The following TENM2 variants were observed in gnomAD, a reference collection of about 807,000 sequenced individuals.
The protein encoded by TENM2 is teneurin-2.
A neutral mutation model predicts 245.2 loss-of-function variants in TENM2; 52 were observed. The observed-to-expected ratio is 0.21, with a 90% confidence interval of 0.17 to 0.27. The LOEUF (loss-of-function observed/expected upper bound fraction) is 0.27, where lower values mean the gene tolerates loss of function less well. Among genes scored for constraint, TENM2 ranks in the 10% least tolerant of loss-of-function variants. TENM2 has a pLI of 1.00. For synonymous variants in TENM2, 1,363 were observed against 1,438.9 expected, an observed-to-expected ratio of 0.95 and a Z score of 1.19; for missense variants, 3,046 against 3,666.8, an observed-to-expected ratio of 0.83 and a Z score of 4.37.
At chr5:167,553,172 ATGAAGAATAG>A (rs1245887470) in intron 2 of TENM2, among the ~76,000 whole-genome samples, 1 of 152,192 alleles carries the variant, frequency 6.6e-6, no homozygotes, top group Non-Finnish European at 1.5e-5. Context: ...AAACTAAAGG[ATGAAGAATAG>A]TGAACTATGT....
At chr5:167,375,595 T>C (rs1733853222) in intron 2 of TENM2, 122 bp downstream of exon 4, 29 of 1,062,034 alleles carry the variant, frequency 2.7e-5, no homozygotes, top group East Asian at 5.2e-5. Context: ...AAATCGACCT[T>C]GTCTACCCAG....
At chr5:167,146,301 T>C in the TENM2 span, among the ~76,000 whole-genome samples, 2 of 152,178 alleles carry the variant, frequency 1.3e-5, no homozygotes, top group Non-Finnish European at 2.9e-5. Context: ...TAAGAGTTAA[T>C]TCACATTGCC....
intron 2 of TENM2, among the ~76,000 whole-genome samples, chr5:167,407,038 AAC>A (rs1476845905): frequency 6.6e-6 from 1 of 152,168 alleles, no homozygotes; most frequent in Non-Finnish European, 1.5e-5. Context: ...GAGATGAGAA[AAC>A]ACAGAATGCA....
chr5:167,284,675 A>C, upstream of TENM2: 1 of 613,684 alleles, frequency 1.6e-6, no homozygotes, highest in Non-Finnish European at 2.9e-6. Context: ...CTGCATGTTC[A>C]TGTTTTCGTC....
At position 168,218,641 on chromosome 5, in the gene TENM2, G is replaced by A. The variant is rs1347894380; in HGVS notation, c.4750G>A (p.Glu1584Lys). ...TGTTCTTAATGCCTTCAACCAGTATGAGGCTGCATCCCCCGGAGAGCAGGA... is the reference window on the plus strand; with the variant it reads ...TGTTCTTAATGCCTTCAACCAGTATAAGGCTGCATCCCCCGGAGAGCAGGA... The change falls in exon 23 of 29, where the codon GAG (glutamate) becomes AAG (lysine). Residue 1584 changes from glutamate (E) to lysine (K), a missense_variant. Glu to Lys is a moderately conservative substitution (Grantham distance 56). Transcript: ENST00000518659. The surrounding 1 kb of genome is among the most constrained non-coding windows in gnomAD (Gnocchi z 5.2). The A allele has an allele frequency of 1.2e-6, 2 of 1,614,024 alleles. No individual in the cohort carries two copies. Among genetic ancestry groups the A allele is most frequent in the Non-Finnish European group, 8.5e-7 (1 of 1,179,898 alleles).
the TENM2 span, among the ~76,000 whole-genome samples, chr5:167,125,107 A>G: frequency 6.6e-6 from 1 of 152,150 alleles, no homozygotes; most frequent in Non-Finnish European, 1.5e-5. Flanking sequence ...AGTCCAGCAA[A>G]CTGTGTTTAA....
the TENM2 span, among the ~76,000 whole-genome samples, chr5:167,206,386 T>A: frequency 2.0e-5 from 3 of 152,174 alleles, no homozygotes; most frequent in Non-Finnish European, 4.4e-5. Context: ...AGCTATTAGT[T>A]TTTTTGTCCC....
chr5:167,367,694 G>C (rs1046388448), intron 1 of TENM2, among the ~76,000 whole-genome samples: 1 of 151,786 alleles, frequency 6.6e-6, no homozygotes. Context: ...GTTTTAAACC[G>C]ATTATTTTGT....
chr5:167,466,803 G>A lies in TENM2; in HGVS notation c.502+91330G>A, dbSNP rs181405598. On this transcript the variant is annotated intron_variant, in intron 2 of 28. Coordinates refer to ENST00000518659, the Ensembl canonical transcript of TENM2. ...ATTTGGCCGAGTTCTGACTTAGTTTGTAAACTGTTACTAATGATTTTCTCA... is the reference window on the plus strand; with the variant it reads ...ATTTGGCCGAGTTCTGACTTAGTTTATAAACTGTTACTAATGATTTTCTCA... Among the ~76,000 whole-genome samples, 40 of 152,176 alleles carry A rather than the reference G, an allele frequency of 2.6e-4. No individual in the cohort carries two copies. In the East Asian group the frequency reaches 6.2e-3, roughly 24 times the overall value.
chr5:167,199,819 T>G, the TENM2 span, among the ~76,000 whole-genome samples: 1 of 152,222 alleles, frequency 6.6e-6, no homozygotes, highest in African/African-American at 2.4e-5. Context: ...TCTCACATAT[T>G]TAGTATTTTA....
chr5:167,273,169 T>A, the TENM2 span, among the ~76,000 whole-genome samples: 3 of 152,160 alleles, frequency 2.0e-5, no homozygotes, highest in Non-Finnish European at 2.9e-5. Context: ...AAGATCGCTG[T>A]AGTCTGTTTT....
At chr5:168,080,978 G>C (rs887396121) in intron 7 of TENM2, among the ~76,000 whole-genome samples, 15 of 152,218 alleles carry the variant, frequency 9.9e-5, no homozygotes, top group Admixed American at 8.5e-4. Context: ...TCAATTCCTG[G>C]ATATCCTTGT....
the TENM2 span, among the ~76,000 whole-genome samples, chr5:167,043,304 T>C: frequency 6.6e-6 from 1 of 152,180 alleles, no homozygotes; most frequent in Non-Finnish European, 1.5e-5. Context: ...TGTATAAAGA[T>C]AAAATTATGG....
chr5:167,267,386 C>T, the TENM2 span, among the ~76,000 whole-genome samples: 1 of 152,230 alleles, frequency 6.6e-6, no homozygotes, highest in Non-Finnish European at 1.5e-5. Flanking sequence ...ACAAGAGTGG[C>T]CCCTTATTTT....
the TENM2 span, among the ~76,000 whole-genome samples, chr5:167,178,658 T>A: frequency 1.3e-4 from 20 of 151,886 alleles, no homozygotes; most frequent in African/African-American, 4.1e-4. Context: ...ACTTACTTTC[T>A]AACTTGAACG....
the TENM2 span, among the ~76,000 whole-genome samples, chr5:167,224,910 CT>C: frequency 1.3e-5 from 2 of 151,894 alleles, no homozygotes; most frequent in Admixed American, 6.6e-5. Context: ...TTGTGGCGAT[CT>C]TTCACCTCTT....
intron 5 of TENM2, among the ~76,000 whole-genome samples, chr5:168,005,663 C>T (rs866882261): frequency 1.8e-4 from 27 of 152,156 alleles, no homozygotes; most frequent in Non-Finnish European, 2.6e-4. Context: ...TCTGGAATCT[C>T]TCTAGGTAGA....
chr5:167,100,498 T>A, the TENM2 span, among the ~76,000 whole-genome samples: 1 of 152,170 alleles, frequency 6.6e-6, no homozygotes, highest in Non-Finnish European at 1.5e-5. Flanking sequence ...ACCTTCATTT[T>A]TCTTGAGACC....
chr5:167,444,079 G>T (rs1765018252), intron 2 of TENM2, among the ~76,000 whole-genome samples: 1 of 151,880 alleles, frequency 6.6e-6, no homozygotes, highest in African/African-American at 2.4e-5. Flanking sequence ...TATTATTATG[G>T]TGGTAGATAA....
Sources: allele counts gnomAD v4.1 joint callset (sites outside exome capture counted in the v4.1 genomes callset), GRCh38; gene constraint gnomAD v4.1.1; non-coding constraint Gnocchi (gnomAD v3.1); transcripts MANE v1.5; gene names NCBI Gene and HGNC (gene_info 2026-07-23, HGNC 2026-07-21).